The following TNR variants were observed in gnomAD, a reference collection of about 807,000 sequenced individuals.
TNR encodes the protein tenascin-R.
TNR carries 45 observed loss-of-function variants against 150.4 expected under a neutral mutation model. That is an observed-to-expected ratio of 0.30 (90% CI 0.24 to 0.38). The LOEUF (loss-of-function observed/expected upper bound fraction) is 0.38, where lower values mean the gene tolerates loss of function less well. TNR is among the 10% of genes least tolerant of loss of function. The probability of loss-of-function intolerance (pLI) is 1.00; values close to 1 mark genes in which losing one functional copy is unlikely to be tolerated. For synonymous variants in TNR, 687 were observed against 678.4 expected (o/e 1.01, Z -0.20); for missense variants, 1,544 against 1,759.1 (o/e 0.88, Z 2.19).
chr1:175,582,359 G>A (rs1032680249), intron 1 of TNR, among the ~76,000 whole-genome samples: 3 of 152,140 alleles, frequency 2.0e-5, no homozygotes, highest in African/African-American at 7.2e-5. Flanking sequence ...CTTTGACTGT[G>A]GCAAGAAAAG....
At chr1:175,456,442 C>T (rs896317209) in intron 2 of TNR, among the ~76,000 whole-genome samples, 5 of 152,244 alleles carry the variant, frequency 3.3e-5, no homozygotes, top group East Asian at 1.9e-4. Context: ...TCCACAAAGG[C>T]GAGGATTTTT....
intron 2 of TNR, among the ~76,000 whole-genome samples, chr1:175,454,908 A>C (rs578174980): frequency 6.6e-6 from 1 of 152,274 alleles, no homozygotes; most frequent in Admixed American, 6.5e-5. Context: ...CTCCCATCAT[A>C]GGTGGGGTCT....
chr1:175,654,334 A>G (rs1254421055), intron 1 of TNR, among the ~76,000 whole-genome samples: 1 of 152,212 alleles, frequency 6.6e-6, no homozygotes, highest in Non-Finnish European at 1.5e-5. Context: ...TGTCATAGAT[A>G]ACATAAAGAA....
At chr1:175,681,862 CTGAAGCT>C (rs1197499325) in intron 1 of TNR, among the ~76,000 whole-genome samples, 2 of 152,148 alleles carry the variant, frequency 1.3e-5, no homozygotes, top group African/African-American at 4.8e-5. Flanking sequence ...CACCTGCCAC[CTGAAGCT>C]GGCTTCATGC....
At chr1:175,438,451 C>A (rs1473790080) in intron 2 of TNR, among the ~76,000 whole-genome samples, 2 of 152,132 alleles carry the variant, frequency 1.3e-5, no homozygotes, top group Non-Finnish European at 2.9e-5. Flanking sequence ...TGGGAGCATT[C>A]CCTTTGAAAA....
chr1:175,655,252 C>G (rs529587857), intron 1 of TNR, among the ~76,000 whole-genome samples: 1 of 152,316 alleles, frequency 6.6e-6, no homozygotes, highest in South Asian at 2.1e-4. Context: ...AATTCAGCCT[C>G]TTCTAAACCA....
chr1:175,439,220 G>A (rs1022433599), intron 2 of TNR, among the ~76,000 whole-genome samples: 11 of 151,374 alleles, frequency 7.3e-5, no homozygotes, highest in African/African-American at 2.7e-4. Context: ...AAATAATGCC[G>A]CATATCTACA....
At chr1:175,593,619 C>T (rs1662892352) in intron 1 of TNR, among the ~76,000 whole-genome samples, 1 of 152,134 alleles carries the variant, frequency 6.6e-6, no homozygotes, top group African/African-American at 2.4e-5. Context: ...TATGAGCTTC[C>T]TTCACTGGTT....
At chr1:175,576,640 T>C (rs772962135) in intron 1 of TNR, among the ~76,000 whole-genome samples, 19 of 150,272 alleles carry the variant, frequency 1.3e-4, no homozygotes, top group Non-Finnish European at 2.5e-4. Flanking sequence ...CACCACACCA[T>C]CCCAAGCTTG....
At chr1:175,521,419 G>A (rs894990781) in intron 2 of TNR, among the ~76,000 whole-genome samples, 2 of 152,132 alleles carry the variant, frequency 1.3e-5, no homozygotes, top group Non-Finnish European at 2.9e-5. Context: ...GGAAAAAGAT[G>A]CCTCACTTTG....
chr1:175,502,652 G>A (rs373677767), intron 2 of TNR, among the ~76,000 whole-genome samples: 1 of 152,084 alleles, frequency 6.6e-6, no homozygotes, highest in Non-Finnish European at 1.5e-5. Context: ...GCAATTCCTT[G>A]GCTCAGAATA....
chr1:175,534,428 T>G lies in TNR; in HGVS notation c.-164-6059A>C, dbSNP rs143878151. Among the ~76,000 whole-genome samples, 155 of 152,324 alleles carry G rather than the reference T, an allele frequency of 1.0e-3. 1 individual carries two copies. The highest frequency in any genetic ancestry group is 3.6e-3 in the African/African-American group (149 of 41,582). ...TCACTATCCACACACAGGTGTGTGT[T>G]TGTGCAGATTGTATCACACCTCCTA... On this transcript the variant is annotated intron_variant, in intron 1 of 22. Coordinates refer to ENST00000367674, the MANE Select transcript of TNR (RefSeq NM_003285.3).
At chr1:175,502,328 G>T (rs142384743) in intron 2 of TNR, among the ~76,000 whole-genome samples, 2 of 152,182 alleles carry the variant, frequency 1.3e-5, no homozygotes, top group Non-Finnish European at 2.9e-5. Flanking sequence ...CAGACACATT[G>T]AACCCCCATG....
chr1:175,443,573 C>T (rs1655891549), intron 2 of TNR, among the ~76,000 whole-genome samples: 1 of 152,140 alleles, frequency 6.6e-6, no homozygotes, highest in Admixed American at 6.5e-5. Context: ...TTTTAAATAG[C>T]TTTGCTAAGG....
At chr1:175,448,560 C>T (rs1656164089) in intron 2 of TNR, among the ~76,000 whole-genome samples, 1 of 152,182 alleles carries the variant, frequency 6.6e-6, no homozygotes, top group Non-Finnish European at 1.5e-5. Context: ...GCTCACTGTG[C>T]TCCTCTATCC....
At chr1:175,368,528 A>G (rs1335375928) in intron 9 of TNR, among the ~76,000 whole-genome samples, 1 of 152,126 alleles carries the variant, frequency 6.6e-6, no homozygotes, top group Non-Finnish European at 1.5e-5. Context: ...ACTTAATCAC[A>G]CCTGCAAAGT....
intron 1 of TNR, among the ~76,000 whole-genome samples, chr1:175,532,099 C>T (rs1018933108): frequency 2.0e-5 from 3 of 152,202 alleles, no homozygotes; most frequent in African/African-American, 7.2e-5. Flanking sequence ...AGTAACAGTT[C>T]TTTTTGACAT....
At chr1:175,352,829 T>C (rs1373421396) in intron 18 of TNR, among the ~76,000 whole-genome samples, 2 of 152,218 alleles carry the variant, frequency 1.3e-5, no homozygotes, top group African/African-American at 4.8e-5. Flanking sequence ...CCGCACTCTA[T>C]AGAACCACTG....
intron 1 of TNR, among the ~76,000 whole-genome samples, chr1:175,551,252 G>A (rs1210596499): frequency 1.3e-5 from 2 of 152,168 alleles, no homozygotes; most frequent in African/African-American, 4.8e-5. Context: ...AAAATTCTGA[G>A]TGAAAACAAT....
Sources: gnomAD v4.1 joint callset for allele counts (sites outside exome capture counted in the v4.1 genomes callset) on GRCh38, gnomAD v4.1.1 for gene constraint, MANE v1.5 for transcripts, NCBI Gene and HGNC (gene_info 2026-07-23, HGNC 2026-07-21) for gene names.